Variants in SLC25A31 observed in about 807,000 individuals in gnomAD.
SLC25A31 encodes the protein solute carrier family 25 member 31.
A neutral mutation model predicts 36.2 loss-of-function variants in SLC25A31; 40 were observed. The observed-to-expected ratio is 1.10, with a 90% CI of 0.86 to 1.44. The LOEUF (loss-of-function observed/expected upper bound fraction) is 1.44, where lower values mean the gene tolerates loss of function less well. SLC25A31 is among the 40% of genes most tolerant of loss of function. The probability of loss-of-function intolerance (pLI) is 0.00; values close to 1 mark genes in which losing one functional copy is unlikely to be tolerated. For synonymous variants in SLC25A31, 143 were observed against 149.7 expected, an observed-to-expected ratio of 0.96 and a Z score of 0.32; for missense variants, 350 against 397.1, an observed-to-expected ratio of 0.88 and a Z score of 1.01.
intron 4 of SLC25A31, among the ~76,000 whole-genome samples, chr4:127,768,255 G>A (rs1196624700): frequency 1.3e-5 from 2 of 151,962 alleles, no homozygotes; most frequent in Non-Finnish European, 2.9e-5. Flanking sequence ...AGACTGCTAT[G>A]TTAATGAAAA....
In SLC25A31 at chr4:127,773,852, A is replaced by C. The variant is rs533634711; in HGVS notation, c.*278A>C. On this transcript the variant is annotated 3_prime_UTR_variant, in exon 6 of 6. Coordinates refer to ENST00000281154, the MANE Select transcript of SLC25A31 (RefSeq NM_031291.4). ...GTTTAAAATTCTTTTTATGATTAAA[A>C]ATTAATCATATAATCCTAGATTAAT... 3.0e-5 allele frequency: 7 copies of C among 233,946 alleles called. No individual in the cohort carries two copies. Among genetic ancestry groups the C allele is most frequent in the African/African-American group, 1.6e-4 (7 of 44,658 alleles). 14.5% of individuals were successfully genotyped at this position (233,946 alleles called of 1,614,324 possible).
intron 1 of SLC25A31, among the ~76,000 whole-genome samples, chr4:127,741,108 T>C (rs1052089017): frequency 6.6e-6 from 1 of 152,208 alleles, no homozygotes; most frequent in Non-Finnish European, 1.5e-5. Flanking sequence ...ATCCTAAAAC[T>C]TTACTGAATT....
At chr4:127,741,530 G>T (rs1731732611) in intron 1 of SLC25A31, among the ~76,000 whole-genome samples, 8 of 152,130 alleles carry the variant, frequency 5.3e-5, no homozygotes, top group Admixed American at 4.6e-4. Context: ...ACCCATTTGT[G>T]CATGTTGAGC....
chr4:127,767,870 A>G (rs1039301806), intron 4 of SLC25A31, among the ~76,000 whole-genome samples: 2 of 145,538 alleles, frequency 1.4e-5, no homozygotes, highest in South Asian at 4.1e-4. Flanking sequence ...GAACTTACCC[A>G]TGTAACCAAA....
chr4:127,744,946 G>T (rs2148756246), intron 2 of SLC25A31, 147 bp downstream of exon 2: 1 of 563,646 alleles, frequency 1.8e-6, no homozygotes, highest in East Asian at 3.3e-5. Flanking sequence ...GTTTTATTTG[G>T]GGAGGATGTG....
intron 1 of SLC25A31, among the ~76,000 whole-genome samples, chr4:127,735,433 T>C (rs1731605727): frequency 6.6e-6 from 1 of 152,224 alleles, no homozygotes; most frequent in African/African-American, 2.4e-5. Flanking sequence ...AATAGCCTTT[T>C]ATTATTCCCA....
chr4:127,755,595 C>G (rs1732014521), intron 2 of SLC25A31, among the ~76,000 whole-genome samples: 1 of 152,130 alleles, frequency 6.6e-6, no homozygotes, highest in African/African-American at 2.4e-5. Flanking sequence ...GAAATATCAC[C>G]TCATACCTGT....
intron 1 of SLC25A31, among the ~76,000 whole-genome samples, chr4:127,742,320 A>G (rs1731746487): frequency 6.6e-6 from 1 of 152,198 alleles, no homozygotes; most frequent in Non-Finnish European, 1.5e-5. Context: ...CCTCCCAGAT[A>G]GTATCGAGGA....
chr4:127,756,130 G>A (rs1732027680), intron 2 of SLC25A31, among the ~76,000 whole-genome samples: 1 of 152,150 alleles, frequency 6.6e-6, no homozygotes, highest in South Asian at 2.1e-4. Context: ...AGAGATATCT[G>A]CACAATCTGC....
At chr4:127,768,613 C>A in intron 4 of SLC25A31, 139 bp from the exon 5 acceptor site, 1 of 627,768 alleles carries the variant, frequency 1.6e-6, no homozygotes, top group Non-Finnish European at 2.5e-6. Context: ...TGATCTGCTA[C>A]TATTAAATCC....
intron 2 of SLC25A31, among the ~76,000 whole-genome samples, chr4:127,748,346 C>T (rs759747145): frequency 1.3e-4 from 20 of 152,128 alleles, no homozygotes; most frequent in African/African-American, 4.1e-4. Context: ...CTCATCTGTA[C>T]GTGACCCCAG....
chr4:127,760,760 C>T (rs554716160), intron 2 of SLC25A31, among the ~76,000 whole-genome samples: 36 of 152,270 alleles, frequency 2.4e-4, no homozygotes, highest in African/African-American at 8.4e-4. Context: ...ATATAGTAGG[C>T]CAGGCATGGT....
chr4:127,732,970 A>G (rs1454119269), intron 1 of SLC25A31, among the ~76,000 whole-genome samples: 1 of 152,242 alleles, frequency 6.6e-6, no homozygotes, highest in African/African-American at 2.4e-5. Context: ...CCAGTCATAC[A>G]TGATGAAGAT....
rs546039229 is a variant in SLC25A31 at position 127,739,919 on chromosome 4, A to G, written c.233-4753A>G. 1.2e-4 allele frequency among the ~76,000 whole-genome samples: 18 copies of G among 152,118 alleles called. No individual in the cohort carries two copies. In the East Asian group the frequency reaches 3.3e-3, roughly 28 times the overall value. ...TTTCTTAAGTAAGCTTTTCAATTCC[A>G]TAAGATCTCATTGATTTCTTTTGAA... On this transcript the variant is annotated intron_variant, in intron 1 of 5. Transcript: ENST00000281154.
intron 2 of SLC25A31, among the ~76,000 whole-genome samples, chr4:127,762,527 A>G (rs1040997153): frequency 1.3e-5 from 2 of 152,204 alleles, no homozygotes; most frequent in Non-Finnish European, 2.9e-5. Context: ...CTGTGAATAT[A>G]TTAACAATTG....
At chr4:127,752,265 T>C in intron 2 of SLC25A31, among the ~76,000 whole-genome samples, 1 of 152,112 alleles carries the variant, frequency 6.6e-6, no homozygotes. Flanking sequence ...TCATGTCCTT[T>C]GTAGGGACAT....
At chr4:127,736,625 T>C (rs1473111138) in intron 1 of SLC25A31, among the ~76,000 whole-genome samples, 1 of 152,238 alleles carries the variant, frequency 6.6e-6, no homozygotes, top group Admixed American at 6.5e-5. Flanking sequence ...GCCTTTCCTA[T>C]ATCTTGTAAC....
intron 1 of SLC25A31, among the ~76,000 whole-genome samples, chr4:127,735,206 G>A (rs1731601107): frequency 6.6e-6 from 1 of 152,000 alleles, no homozygotes; most frequent in Admixed American, 6.6e-5. Context: ...AGTCTAATTG[G>A]ACCTGAGACA....
intron 2 of SLC25A31, among the ~76,000 whole-genome samples, chr4:127,759,888 A>G (rs1732096078): frequency 6.6e-6 from 1 of 152,234 alleles, no homozygotes; most frequent in South Asian, 2.1e-4. Flanking sequence ...TTAAGGTAGA[A>G]AAAGCCAATC....
Sources: allele counts gnomAD v4.1 joint callset (sites outside exome capture counted in the v4.1 genomes callset), GRCh38; gene constraint gnomAD v4.1.1; transcripts MANE v1.5; gene names NCBI Gene and HGNC (gene_info 2026-07-23, HGNC 2026-07-21).